TRPV4: variants seen among roughly 807,000 people sequenced by gnomAD.
TRPV4 encodes transient receptor potential cation channel subfamily V member 4, also known as OSM9-like transient receptor potential channel 4.
TRPV4 carries 58 observed loss-of-function variants against 84.1 expected under a neutral mutation model. The observed-to-expected ratio is 0.69, with a 90% CI of 0.56 to 0.86. TRPV4 has a LOEUF of 0.86. TRPV4 is among the 40% of genes least tolerant of loss of function. The pLI, the probability that TRPV4 is intolerant of heterozygous loss-of-function variation, is 0.00. For missense variants in TRPV4, 879 were observed against 1,181.1 expected (o/e 0.74, Z 3.75); for synonymous variants, 489 against 500.9 (o/e 0.98, Z 0.32).
chr12:109,827,982 C>T (rs1023799630), intron 1 of TRPV4, among the ~76,000 whole-genome samples: 5 of 152,156 alleles, frequency 3.3e-5, no homozygotes, highest in Non-Finnish European at 7.3e-5. Flanking sequence ...AGGTGGCCAG[C>T]CCACTCGGTC....
At chr12:109,823,826 C>G (rs541708676) in intron 1 of TRPV4, among the ~76,000 whole-genome samples, 1 of 152,174 alleles carries the variant, frequency 6.6e-6, no homozygotes, top group African/African-American at 2.4e-5. Context: ...AATGACCCTT[C>G]CAGGCTTAGT....
At chr12:109,827,657 T>C (rs965634084) in intron 1 of TRPV4, among the ~76,000 whole-genome samples, 2 of 150,742 alleles carry the variant, frequency 1.3e-5, no homozygotes, top group African/African-American at 4.9e-5. Flanking sequence ...CACGCAAACA[T>C]ACACACACAT....
chr12:109,820,516 A>ATTTTTTTT lies in TRPV4; in HGVS notation c.-31-5697_-31-5690dup, dbSNP rs1166251387. On this transcript the variant is annotated intron_variant, in intron 1 of 15. Coordinates refer to ENST00000261740, the MANE Select transcript of TRPV4 (RefSeq NM_021625.5). ...GATCTTCACTTTCTTCAGCTGCCCTATTTTTTTTTTTTTTTTTTTTTTTTT... is the reference window on the plus strand; with the variant it reads ...GATCTTCACTTTCTTCAGCTGCCCTATTTTTTTTTTTTTTTTTTTTTTTTTTTTTTTTT... Among the ~76,000 whole-genome samples, 13 of 92,396 alleles carry ATTTTTTTT rather than the reference A, an allele frequency of 1.4e-4. 1 individual carries two copies. The highest frequency in any genetic ancestry group is 5.5e-4 in the African/African-American group (11 of 20,086). The allele number at this position is 92,396 out of a possible 152,430, so 60.6% of individuals were successfully genotyped here. A position where few individuals can be genotyped will look rare whatever the true frequency, so the allele number is the denominator to read the frequency against.
chr12:109,828,573 C>A (rs1345091753), intron 1 of TRPV4, among the ~76,000 whole-genome samples: 1 of 152,214 alleles, frequency 6.6e-6, no homozygotes, highest in African/African-American at 2.4e-5. Context: ...TCAGCAAAGC[C>A]CAGGAACAGA....
At chr12:109,788,295 G>A in intron 13 of TRPV4, 105 bp downstream of exon 13, 8 of 1,088,800 alleles carry the variant, frequency 7.3e-6, no homozygotes, top group South Asian at 1.4e-5. Context: ...AGAATGAGAA[G>A]ACACTGCTTG....
intron 3 of TRPV4, among the ~76,000 whole-genome samples, chr12:109,806,500 C>T (rs532899074): frequency 1.6e-4 from 24 of 151,692 alleles, no homozygotes; most frequent in South Asian, 4.2e-4. Flanking sequence ...CCACCGCACC[C>T]GGCCCCAGTA....
Position 109,806,726 on chromosome 12 carries a change from T to C in TRPV4, c.559+1570A>G, listed in dbSNP as rs142834713. Among the ~76,000 whole-genome samples the C allele has an allele frequency of 7.3e-3, 1,098 of 150,982 alleles. 2 individuals carry two copies. Among genetic ancestry groups the C allele is most frequent in the Non-Finnish European group, 0.01 (693 of 67,804 alleles). ...AAAAAAAAAATTTAGCCAGGCATGG[T>C]AGCTTGCACCTGTAGTCCCAACTAC... is the stretch of plus-strand genomic sequence containing the variant. On this transcript the variant is annotated intron_variant, in intron 3 of 15. Coordinates refer to ENST00000261740, the MANE Select transcript of TRPV4 (RefSeq NM_021625.5).
In TRPV4 at chr12:109,796,447, G is replaced by A; in HGVS notation, c.1332+78C>T. On this transcript the variant is annotated intron_variant, in intron 7 of 15. Coordinates refer to ENST00000261740, the MANE Select transcript of TRPV4 (RefSeq NM_021625.5). The surrounding 1 kb of genome is among the most constrained non-coding windows in gnomAD (Gnocchi z 4.2). ...CTAGAGGCTGGGGCTGTCTCCCCCA[G>A]CCCAGCCCCAGGGCCCTGTCCCTAC... 1.9e-6 allele frequency: 3 copies of A among 1,551,730 alleles called. No homozygotes were observed. Among genetic ancestry groups the A allele is most frequent in the Non-Finnish European group, 2.6e-6 (3 of 1,136,686 alleles).
At position 109,796,454 on chromosome 12, in the gene TRPV4, C is replaced by G; in HGVS notation, c.1332+71G>C. ...CTGGGGCTGTCTCCCCCAGCCCAGC[C>G]CCAGGGCCCTGTCCCTACTCCCAGC... On this transcript the variant is annotated intron_variant, in intron 7 of 15. Coordinates refer to ENST00000261740, the MANE Select transcript of TRPV4 (RefSeq NM_021625.5). The surrounding 1 kb of genome is among the most constrained non-coding windows in gnomAD (Gnocchi z 4.2). 3 of 1,579,460 alleles carry G rather than the reference C, an allele frequency of 1.9e-6. No individual in the cohort carries two copies. The South Asian group carries it at 3.4e-5, about 18-fold the overall frequency.
At chr12:109,792,123 G>A (rs944270498) in intron 12 of TRPV4, among the ~76,000 whole-genome samples, 36 of 151,184 alleles carry the variant, frequency 2.4e-4, no homozygotes, top group African/African-American at 7.8e-4. Context: ...GCAGGAGCCC[G>A]TAATCCCAAC....
chr12:109,784,503 A>G, intron 14 of TRPV4, 66 bp from the exon 15 acceptor site: 2 of 1,611,868 alleles, frequency 1.2e-6, no homozygotes, highest in South Asian at 2.2e-5. Flanking sequence ...CACCATCCCC[A>G]GCACACCCTC....
chr12:109,808,007 G>A (rs1391628129), intron 3 of TRPV4, among the ~76,000 whole-genome samples: 3 of 152,174 alleles, frequency 2.0e-5, no homozygotes, highest in Non-Finnish European at 2.9e-5. Flanking sequence ...ACTGGTAAAG[G>A]TAGAATCTGA....
chr12:109,830,863 C>T (rs1860973682), intron 1 of TRPV4, among the ~76,000 whole-genome samples: 1 of 152,208 alleles, frequency 6.6e-6, no homozygotes, highest in Admixed American at 6.5e-5. Context: ...ACTGACTGAG[C>T]ACCTACTATG....
At chr12:109,819,786 T>C (rs1203675769) in intron 1 of TRPV4, among the ~76,000 whole-genome samples, 1 of 152,208 alleles carries the variant, frequency 6.6e-6, no homozygotes, top group Non-Finnish European at 1.5e-5. Flanking sequence ...GGTCTTGAAC[T>C]CCTGACCTCA....
intron 4 of TRPV4, among the ~76,000 whole-genome samples, chr12:109,802,180 A>C (rs1483738648): frequency 6.8e-6 from 1 of 147,254 alleles, no homozygotes; most frequent in African/African-American, 2.5e-5. Context: ...CCCAGGCTGG[A>C]GTGCAGTGGC....
chr12:109,827,719 T>C (rs993269729), intron 1 of TRPV4, among the ~76,000 whole-genome samples: 3 of 151,456 alleles, frequency 2.0e-5, no homozygotes, highest in African/African-American at 7.3e-5. Context: ...TGTATATACA[T>C]ACACATATGC....
At chr12:109,785,607 CAG>C (rs1889638431) in intron 14 of TRPV4, among the ~76,000 whole-genome samples, 1 of 151,872 alleles carries the variant, frequency 6.6e-6, no homozygotes, top group Admixed American at 6.6e-5. Context: ...TTAGTGGAGA[CAG>C]GGTTTCACCA....
intron 11 of TRPV4, 37 bp from the exon 12 acceptor site, chr12:109,792,466 G>A: frequency 5.6e-6 from 9 of 1,607,888 alleles, no homozygotes; most frequent in Non-Finnish European, 7.7e-6. Context: ...GCAAAGAGGA[G>A]ACACATGGTT....
Position 109,803,598 on chromosome 12 carries a change from TGTG to T in TRPV4, c.560-458_560-456del, listed in dbSNP as rs1478032227. On this transcript the variant is annotated intron_variant, in intron 3 of 15. Coordinates refer to ENST00000261740, the MANE Select transcript of TRPV4 (RefSeq NM_021625.5). ...CCCAAGTAGCAGCTAAGACTACAGG[TGTG>T]CACCTCCATGCTCAACTAATTTTTT... is the stretch of plus-strand genomic sequence containing the variant. Among the ~76,000 whole-genome samples, 6 of 151,188 alleles carry T rather than the reference TGTG, an allele frequency of 4.0e-5. No individual in the cohort carries two copies. In the East Asian group the frequency reaches 1.2e-3, roughly 29 times the overall value.
Sources: allele counts gnomAD v4.1 joint callset (sites outside exome capture counted in the v4.1 genomes callset), GRCh38; gene constraint gnomAD v4.1.1; non-coding constraint Gnocchi (gnomAD v3.1); transcripts MANE v1.5; gene names NCBI Gene and HGNC (gene_info 2026-07-23, HGNC 2026-07-21).